Variants in MICAL3 observed in about 807,000 individuals in gnomAD.
The protein encoded by MICAL3 is [F-actin]-monooxygenase MICAL3.
MICAL3 carries 62 observed loss-of-function variants against 207.4 expected under a neutral mutation model. The ratio of observed to expected loss-of-function variants is 0.30; its 90% CI spans 0.24 to 0.37. The LOEUF is 0.37. MICAL3 is among the 10% of genes least tolerant of loss of function. MICAL3 has a pLI of 1.00. For missense variants in MICAL3, 2,368 were observed against 2,635.6 expected, an observed-to-expected ratio of 0.90 and a Z score of 2.22; for synonymous variants, 1,077 against 1,069.3, an observed-to-expected ratio of 1.01 and a Z score of -0.14.
At chr22:17,966,347 G>GCT (rs1473456223) in intron 1 of MICAL3, among the ~76,000 whole-genome samples, 1 of 152,086 alleles carries the variant, frequency 6.6e-6, no homozygotes, top group African/African-American at 2.4e-5. Context: ...CCCCTCTCCA[G>GCT]CCTTATTCCA....
chr22:17,969,447 G>A (rs1042082519), intron 1 of MICAL3, among the ~76,000 whole-genome samples: 15 of 152,222 alleles, frequency 9.9e-5, no homozygotes, highest in Non-Finnish European at 1.8e-4. Flanking sequence ...GTCTGGAGCC[G>A]ACAGGCGTTG....
At chr22:17,857,410 A>G (rs1384903402) in intron 19 of MICAL3, among the ~76,000 whole-genome samples, 1 of 152,110 alleles carries the variant, frequency 6.6e-6, no homozygotes, top group Non-Finnish European at 1.5e-5. Context: ...TCATCCCAAA[A>G]CCACTGCCCA....
At chr22:17,808,702 C>A (rs942347055) in intron 29 of MICAL3, 142 bp downstream of exon 29, 293 of 678,828 alleles carry the variant, frequency 4.3e-4, no homozygotes, top group Admixed American at 1.1e-4. Context: ...ACAGGAAGCC[C>A]CAAATCTCAG....
At chr22:17,843,577 C>T (rs1222824835) in intron 19 of MICAL3, among the ~76,000 whole-genome samples, 4 of 152,170 alleles carry the variant, frequency 2.6e-5, no homozygotes, top group African/African-American at 9.7e-5. Flanking sequence ...TCATGGACAC[C>T]GAGTGACACG....
intron 1 of MICAL3, 118 bp from the exon 2 acceptor site, chr22:17,907,004 G>A (rs964380364): frequency 1.5e-5 from 8 of 551,044 alleles, no homozygotes; most frequent in African/African-American, 1.3e-4. Flanking sequence ...CCATAAGTGT[G>A]GACTGCACAC....
At chr22:17,863,625 G>A in intron 19 of MICAL3, 1 of 985,420 alleles carries the variant, frequency 1.0e-6, no homozygotes, top group Non-Finnish European at 1.2e-6. Context: ...ATGATAATAA[G>A]GGCACGTGCA....
At chr22:17,832,568 T>C (rs1006502523) in intron 20 of MICAL3, among the ~76,000 whole-genome samples, 4 of 152,178 alleles carry the variant, frequency 2.6e-5, no homozygotes, top group East Asian at 1.9e-4. Flanking sequence ...TTACGTTTCA[T>C]AGACGGCCTC....
At chr22:17,918,865 G>A (rs1170392639) in intron 1 of MICAL3, among the ~76,000 whole-genome samples, 3 of 152,090 alleles carry the variant, frequency 2.0e-5, no homozygotes, top group South Asian at 2.1e-4. Context: ...ACTCTTCTAC[G>A]CTCCAGAAAT....
At chr22:17,959,771 G>A (rs1423762118) in intron 1 of MICAL3, among the ~76,000 whole-genome samples, 3 of 151,942 alleles carry the variant, frequency 2.0e-5, no homozygotes, top group Admixed American at 6.6e-5. Flanking sequence ...AGCTCTCCCT[G>A]CCCATAAGAA....
chr22:17,811,732 T>C (rs776774298), intron 27 of MICAL3, among the ~76,000 whole-genome samples: 6 of 152,070 alleles, frequency 3.9e-5, no homozygotes, highest in Admixed American at 2.6e-4. Context: ...TCTAAGAAAA[T>C]GAAACAAGGA....
chr22:17,906,739 C>A lies in MICAL3; in HGVS notation c.74G>T (p.Cys25Phe), dbSNP rs1602193950. The change falls in exon 2 of 32, where the codon TGC becomes TTC. Residue 25 changes from cysteine (C) to phenylalanine (F), a missense_variant. This residue lies in a region of MICAL3 where 400 missense variants were observed against 547.0 expected (regional missense o/e 0.73). Coordinates refer to ENST00000441493, the MANE Select transcript of MICAL3 (RefSeq NM_015241.3). ...CTGGAAAGCCTTGAGGGTTCCCTTG[C>A]AGGTGGTGGCCTGGACAAACCGGTC... ...LFDRFVQATT[C>F]KGTLKAFQEL... is the part of the protein sequence containing the mutation. 7.4e-6 allele frequency: 12 copies of A among 1,613,920 alleles called. No homozygotes were observed. The East Asian group carries it at 2.7e-4, about 36-fold the overall frequency.
Position 17,871,889 on chromosome 22 carries a change from C to T in MICAL3, c.2376G>A (p.Glu792=). The change falls in exon 17 of 32, where the codon GAG becomes GAA. Residue 792 remains glutamate, a synonymous_variant. Transcript: ENST00000441493. Reference sequence around the variant, plus strand: ...AGAGGCGCAGGGTGGTGGCGCAGTACTCGCACTTGAAGCAGCTCCGGTGGA... The same window carrying T: ...AGAGGCGCAGGGTGGTGGCGCAGTATTCGCACTTGAAGCAGCTCCGGTGGA... ...KFFHRSCFKC[E]YCATTLRLSA... is the part of the protein sequence containing the mutation. 1 of 1,611,618 alleles carries T rather than the reference C, an allele frequency of 6.2e-7. No individual in the cohort carries two copies. The highest frequency in any genetic ancestry group is 1.1e-5 in the South Asian group (1 of 90,274).
At chr22:17,938,694 G>A (rs753242208) in intron 1 of MICAL3, among the ~76,000 whole-genome samples, 10 of 152,132 alleles carry the variant, frequency 6.6e-5, no homozygotes, top group Admixed American at 4.6e-4. Flanking sequence ...AAACGGAAGC[G>A]TGGCAGAGGG....
intron 1 of MICAL3, among the ~76,000 whole-genome samples, chr22:17,976,596 T>TTTA (rs1935666157): frequency 7.4e-6 from 1 of 135,126 alleles, no homozygotes; most frequent in African/African-American, 2.8e-5. Flanking sequence ...TATATTTTTT[T>TTTA]TTTTTTTTTT....
chr22:17,920,166 C>T (rs1223074456), intron 1 of MICAL3, among the ~76,000 whole-genome samples: 4 of 152,256 alleles, frequency 2.6e-5, no homozygotes, highest in East Asian at 1.9e-4. Flanking sequence ...AAGCTGCACG[C>T]GTGAAACGCC....
At chr22:17,805,805 C>T (rs390702) in intron 29 of MICAL3, among the ~76,000 whole-genome samples, 76,600 of 152,090 alleles carry the variant, frequency 0.5, 22,499 homozygotes, top group African/African-American at 0.83. Flanking sequence ...CTCGGCTCAC[C>T]GCAACCTCCA....
At chr22:17,963,924 T>C (rs1935032998) in intron 1 of MICAL3, among the ~76,000 whole-genome samples, 1 of 152,206 alleles carries the variant, frequency 6.6e-6, no homozygotes, top group Non-Finnish European at 1.5e-5. Context: ...TGGTCCCTAC[T>C]CTTGCTGCAT....
chr22:17,798,700 G>A (rs2061903126), intron 29 of MICAL3, among the ~76,000 whole-genome samples: 1 of 133,332 alleles, frequency 7.5e-6, no homozygotes, highest in East Asian at 2.3e-4. Context: ...TTGAGACAGA[G>A]TCTCCCTCTG....
intron 1 of MICAL3, among the ~76,000 whole-genome samples, chr22:17,957,161 A>T (rs550890509): frequency 1.4e-4 from 21 of 152,306 alleles, no homozygotes; most frequent in African/African-American, 5.1e-4. Context: ...GCTACGTGCC[A>T]GGGTAGTGGA....
Sources: gnomAD v4.1 joint callset for allele counts (sites outside exome capture counted in the v4.1 genomes callset) on GRCh38, gnomAD v4.1.1 for gene constraint, gnomAD v4.1.1 regional missense constraint, MANE v1.5 for transcripts, NCBI Gene and HGNC (gene_info 2026-07-23, HGNC 2026-07-21) for gene names.